PUDP: variants seen among roughly 807,000 people sequenced by gnomAD.
The protein encoded by PUDP is pseudouridine 5'-phosphatase.
PUDP carries 8 observed loss-of-function variants against 9.4 expected under a neutral mutation model. The observed-to-expected ratio is 0.85, with a 90% CI of 0.50 to 1.53. PUDP has a LOEUF of 1.53. PUDP is among the 40% of genes most tolerant of loss of function. The probability of loss-of-function intolerance (pLI) is 0.00; values close to 1 mark genes in which losing one functional copy is unlikely to be tolerated. For missense variants in PUDP, 188 were observed against 189.7 expected, an observed-to-expected ratio of 0.99 and a Z score of 0.05; for synonymous variants, 99 against 80.7, an observed-to-expected ratio of 1.23 and a Z score of -1.22.
intron 1 of PUDP, among the ~76,000 whole-genome samples, chrX:6,996,192 C>T (rs753188672): frequency 8.9e-6 from 1 of 112,158 alleles, no homozygotes; most frequent in African/African-American, 3.2e-5. Flanking sequence ...TTCACAGCTC[C>T]CCTTTTGCAC....
chrX:7,076,087 G>A (rs776054966), intron 3 of PUDP, among the ~76,000 whole-genome samples: 4 of 111,529 alleles, frequency 3.6e-5, no homozygotes, highest in Non-Finnish European at 7.5e-5. Context: ...CACAGGTTCC[G>A]GCTGCCTCTA....
chrX:6,934,370 T>C (rs1450050776), intron 3 of PUDP, among the ~76,000 whole-genome samples: 1 of 107,186 alleles, frequency 9.3e-6, no homozygotes, highest in Non-Finnish European at 1.9e-5. Flanking sequence ...GAATTTCATA[T>C]CCAGCCAAAC....
intron 3 of PUDP, among the ~76,000 whole-genome samples, chrX:6,807,439 C>A (rs776096516): frequency 8.9e-6 from 1 of 112,348 alleles, no homozygotes; most frequent in African/African-American, 3.2e-5. Flanking sequence ...ATTTGTGAGT[C>A]CAAATTTAGC....
chrX:6,791,620 T>C (rs1569099388), intron 3 of PUDP, among the ~76,000 whole-genome samples: 1 of 109,853 alleles, frequency 9.1e-6, no homozygotes, highest in Non-Finnish European at 1.9e-5. Context: ...GGCTTTAAAG[T>C]GGAGGAAGGA....
rs377261250 is a variant in PUDP at position 7,059,587 on chromosome X, C to T, written c.511-9115G>A. ...GGGACATTATGACTTCAGACAGACT[C>T]GGGAAGATTAGCCATGTACGGGATT... On this transcript the variant is annotated intron_variant, in intron 3 of 3. Coordinates refer to ENST00000381077, the MANE Select transcript of PUDP (RefSeq NM_012080.5). Among the ~76,000 whole-genome samples the T allele has an allele frequency of 1.5e-4, 17 of 111,930 alleles. No homozygotes were observed. In the East Asian group the frequency reaches 4.5e-3, roughly 30 times the overall value.
intron 3 of PUDP, among the ~76,000 whole-genome samples, chrX:6,942,053 G>A (rs746990164): frequency 9.0e-6 from 1 of 111,198 alleles, no homozygotes; most frequent in Non-Finnish European, 1.9e-5. Context: ...GACTCCAAAA[G>A]GCAGGAGGAG....
intron 3 of PUDP, among the ~76,000 whole-genome samples, chrX:6,753,145 T>G (rs925343429): frequency 9.0e-6 from 1 of 111,245 alleles, no homozygotes; most frequent in Non-Finnish European, 1.9e-5. Flanking sequence ...TCCCCCTGAG[T>G]CCCCAAAGTT....
chrX:6,985,223 T>G (rs1225444442), intron 1 of PUDP, among the ~76,000 whole-genome samples: 2 of 112,194 alleles, frequency 1.8e-5, no homozygotes, highest in Non-Finnish European at 3.8e-5. Context: ...CTTCTATACC[T>G]TCTAAGCTAT....
chrX:6,742,196 G>A (rs1470308845), intron 3 of PUDP, among the ~76,000 whole-genome samples: 2 of 111,522 alleles, frequency 1.8e-5, no homozygotes, highest in Non-Finnish European at 3.8e-5. Context: ...TAAATAACAG[G>A]GAAATGATAT....
chrX:6,807,347 A>G (rs1160577072), intron 3 of PUDP, among the ~76,000 whole-genome samples: 1 of 111,888 alleles, frequency 8.9e-6, no homozygotes, highest in Non-Finnish European at 1.9e-5. Context: ...GGTAGCTCCA[A>G]CATAATAGAA....
At chrX:6,819,981 A>T (rs185822638) in intron 3 of PUDP, among the ~76,000 whole-genome samples, 6,231 of 106,749 alleles carry the variant, frequency 0.058, 206 homozygotes, top group East Asian at 0.17. Flanking sequence ...AAATATATAT[A>T]TTTTTTTCGC....
chrX:6,930,281 G>A (rs1928168947), intron 3 of PUDP, among the ~76,000 whole-genome samples: 4 of 111,209 alleles, frequency 3.6e-5, no homozygotes, highest in African/African-American at 9.8e-5. Context: ...GAGACAGGAG[G>A]TCAGCAGGAC....
intron 1 of PUDP, among the ~76,000 whole-genome samples, chrX:7,145,599 A>AT (rs11294775): frequency 1.7e-4 from 17 of 101,429 alleles, no homozygotes; most frequent in East Asian, 3.1e-4. Context: ...ACCGAAGTGT[A>AT]TTTTTTTTTT....
chrX:6,900,511 G>C (rs1014836805), intron 3 of PUDP, among the ~76,000 whole-genome samples: 7 of 109,186 alleles, frequency 6.4e-5, no homozygotes, highest in South Asian at 4.2e-4. Flanking sequence ...GTAAAAGAGA[G>C]AGGGAAGGAG....
At chrX:7,118,605 A>T (rs918884352) in intron 1 of PUDP, among the ~76,000 whole-genome samples, 18 of 112,181 alleles carry the variant, frequency 1.6e-4, no homozygotes, top group African/African-American at 5.8e-4. Context: ...GCTATGAACT[A>T]GAATCCAAAC....
intron 3 of PUDP, among the ~76,000 whole-genome samples, chrX:6,880,099 T>C (rs1412634637): frequency 9.4e-6 from 1 of 105,996 alleles, no homozygotes; most frequent in Non-Finnish European, 1.9e-5. Context: ...GAGGAATCGT[T>C]AAGGTTTTTT....
At chrX:7,136,735 G>C (rs1386201572) in intron 1 of PUDP, among the ~76,000 whole-genome samples, 2 of 93,539 alleles carry the variant, frequency 2.1e-5, no homozygotes, top group Non-Finnish European at 4.1e-5. Context: ...CCTGGCATGA[G>C]AAAGTGCTCT....
chrX:6,722,492 G>A (rs1924685987), upstream of PUDP, among the ~76,000 whole-genome samples: 1 of 110,522 alleles, frequency 9.0e-6, no homozygotes, highest in Admixed American at 9.7e-5. Flanking sequence ...ACAACTAGAA[G>A]AAAGTATATT....
chrX:6,988,727 AGTT>A (rs1292985005), intron 1 of PUDP, among the ~76,000 whole-genome samples: 8 of 110,509 alleles, frequency 7.2e-5, no homozygotes, highest in Admixed American at 3.9e-4. Context: ...AGGCCTGGTG[AGTT>A]TCTTCAGACC....
Sources: allele counts gnomAD v4.1 joint callset (sites outside exome capture counted in the v4.1 genomes callset), GRCh38; gene constraint gnomAD v4.1.1; transcripts MANE v1.5; gene names NCBI Gene and HGNC (gene_info 2026-07-23, HGNC 2026-07-21).